Variants in SLC24A3 observed in about 807,000 individuals in gnomAD.
SLC24A3 encodes the protein solute carrier family 24 member 3, also known as sodium/potassium/calcium exchanger 3.
Under a neutral mutation model 75.8 loss-of-function variants are expected in SLC24A3, and 28 were observed. The observed-to-expected ratio is 0.37, with a 90% CI of 0.27 to 0.51. The LOEUF is 0.51. SLC24A3 is among the 20% of genes least tolerant of loss of function. SLC24A3 has a pLI of 0.94. For missense variants in SLC24A3, 663 were observed against 847.8 expected (o/e 0.78, Z 2.71); for synonymous variants, 372 against 334.1 (o/e 1.11, Z -1.24).
intron 2 of SLC24A3, among the ~76,000 whole-genome samples, chr20:19,371,465 C>T (rs1056423768): frequency 1.3e-5 from 2 of 152,134 alleles, no homozygotes; most frequent in African/African-American, 4.8e-5. Flanking sequence ...GGACAAGACC[C>T]CAAGCCTGGC....
At chr20:19,421,773 C>T (rs964426431) in intron 2 of SLC24A3, among the ~76,000 whole-genome samples, 7 of 152,318 alleles carry the variant, frequency 4.6e-5, no homozygotes, top group African/African-American at 1.4e-4. Flanking sequence ...CCATGGGCTT[C>T]GCGCCTCACA....
At chr20:19,220,847 T>C (rs1981689383) in intron 1 of SLC24A3, among the ~76,000 whole-genome samples, 1 of 152,200 alleles carries the variant, frequency 6.6e-6, no homozygotes, top group African/African-American at 2.4e-5. Flanking sequence ...AGTAATACAG[T>C]TGGTGCCAGT....
intron 9 of SLC24A3, among the ~76,000 whole-genome samples, chr20:19,681,109 A>G (rs935796056): frequency 6.6e-6 from 1 of 152,188 alleles, no homozygotes; most frequent in African/African-American, 2.4e-5. Context: ...TACTAAAGCT[A>G]GGGAGACTGT....
chr20:19,373,626 T>G lies in SLC24A3; in HGVS notation c.271+92539T>G, dbSNP rs185733522. Among the ~76,000 whole-genome samples the G allele has an allele frequency of 7.1e-3, 1,075 of 152,274 alleles. 15 individuals carry two copies. Among genetic ancestry groups the G allele is most frequent in the African/African-American group, 0.025 (1,029 of 41,534 alleles). Reference sequence around the variant, plus strand: ...TAGATTTATATATTCTGACTTAGATTTTGCACATATTTTGAGGACAGTCTA... The same window carrying G: ...TAGATTTATATATTCTGACTTAGATGTTGCACATATTTTGAGGACAGTCTA... On this transcript the variant is annotated intron_variant, in intron 2 of 16. Coordinates refer to ENST00000328041, the MANE Select transcript of SLC24A3 (RefSeq NM_020689.4).
intron 7 of SLC24A3, among the ~76,000 whole-genome samples, chr20:19,658,423 C>T (rs1304653834): frequency 6.6e-6 from 1 of 152,218 alleles, no homozygotes; most frequent in Non-Finnish European, 1.5e-5. Context: ...GAACAGTTCA[C>T]TCGGACGGAG....
At chr20:19,386,419 C>T (rs1325224384) in intron 2 of SLC24A3, among the ~76,000 whole-genome samples, 1 of 152,116 alleles carries the variant, frequency 6.6e-6, no homozygotes. Context: ...TATTTCTTAT[C>T]TGGTTGCTCT....
intron 2 of SLC24A3, among the ~76,000 whole-genome samples, chr20:19,314,277 A>ATTTATTTTATTTTATTTTAT (rs11474596): frequency 0.016 from 1,982 of 126,464 alleles, 50 homozygotes; most frequent in Middle Eastern, 0.05. Flanking sequence ...GTTTTTATTT[A>ATTTATTTTATTTTATTTTAT]TTTATTTTAT....
chr20:19,572,875 C>G (rs1014869739), intron 3 of SLC24A3, among the ~76,000 whole-genome samples: 1 of 151,920 alleles, frequency 6.6e-6, no homozygotes, highest in African/African-American at 2.4e-5. Context: ...AGCCTGTGAT[C>G]AGGGAAAATA....
intron 1 of SLC24A3, 44 bp downstream of exon 1, chr20:19,213,028 C>A (rs776246702): frequency 1.7e-6 from 2 of 1,202,136 alleles, no homozygotes; most frequent in African/African-American, 1.6e-5. Flanking sequence ...GCGGCTCCGG[C>A]GGCTCGGGGC....
intron 2 of SLC24A3, among the ~76,000 whole-genome samples, chr20:19,510,840 C>G (rs1169410431): frequency 6.6e-6 from 1 of 152,314 alleles, no homozygotes; most frequent in East Asian, 1.9e-4. Context: ...CTACGGTATT[C>G]TGTTGTATCA....
chr20:19,556,576 GAAAA>G (rs10591708), intron 3 of SLC24A3, among the ~76,000 whole-genome samples: 7 of 131,014 alleles, frequency 5.3e-5, no homozygotes, highest in Admixed American at 7.7e-5. Context: ...GCCAGTGTGT[GAAAA>G]AAAAAAAAAA....
intron 2 of SLC24A3, among the ~76,000 whole-genome samples, chr20:19,325,337 T>C (rs1411038199): frequency 6.6e-6 from 1 of 151,862 alleles, no homozygotes; most frequent in Admixed American, 6.6e-5. Flanking sequence ...TCCCAGCTAC[T>C]GGTGGGGCTG....
intron 2 of SLC24A3, among the ~76,000 whole-genome samples, chr20:19,487,148 C>T (rs1988138409): frequency 6.6e-6 from 1 of 152,198 alleles, no homozygotes; most frequent in African/African-American, 2.4e-5. Context: ...CCTTATGACT[C>T]TTCTTTAGCG....
At chr20:19,265,423 C>T (rs150317386) in intron 1 of SLC24A3, among the ~76,000 whole-genome samples, 1,642 of 152,332 alleles carry the variant, frequency 0.011, 14 homozygotes, top group Non-Finnish European at 0.015. Flanking sequence ...CTCTGCACAG[C>T]AGTGCACTAC....
intron 6 of SLC24A3, among the ~76,000 whole-genome samples, chr20:19,633,646 C>T (rs1260260873): frequency 3.2e-4 from 21 of 64,976 alleles, no homozygotes; most frequent in Admixed American, 6.6e-4. Flanking sequence ...GAGACTCCGT[C>T]TCAAAAAAAA....
chr20:19,704,197 GGATGGATA>G (rs1020996653), intron 15 of SLC24A3, among the ~76,000 whole-genome samples: 1 of 150,854 alleles, frequency 6.6e-6, no homozygotes, highest in Non-Finnish European at 1.5e-5. Flanking sequence ...AGAGATGGAT[GGATGGATA>G]GATGGATGGA....
At chr20:19,307,358 T>C (rs1984356354) in intron 2 of SLC24A3, among the ~76,000 whole-genome samples, 1 of 152,232 alleles carries the variant, frequency 6.6e-6, no homozygotes, top group Non-Finnish European at 1.5e-5. Flanking sequence ...TTAAGGCTCC[T>C]ACTAGCACCA....
At position 19,430,580 on chromosome 20, in the gene SLC24A3, G is replaced by A. The variant is rs111230819; in HGVS notation, c.272-84908G>A. ...TGTAGTCTTCAGGGAGAGTGCTAAT[G>A]GGGAAAATAGTGCATAGAAATGCAG... On this transcript the variant is annotated intron_variant, in intron 2 of 16. Coordinates refer to ENST00000328041, the MANE Select transcript of SLC24A3 (RefSeq NM_020689.4). Among the ~76,000 whole-genome samples the A allele has an allele frequency of 3.3e-3, 502 of 152,286 alleles. 3 individuals carry two copies. Among genetic ancestry groups the A allele is most frequent in the African/African-American group, 0.011 (473 of 41,546 alleles).
At chr20:19,611,579 T>G (rs1019787387) in intron 6 of SLC24A3, among the ~76,000 whole-genome samples, 3 of 152,214 alleles carry the variant, frequency 2.0e-5, no homozygotes, top group African/African-American at 7.2e-5. Flanking sequence ...CTTTTTTGAC[T>G]TTCAGGAATT....
Sources: gnomAD v4.1 joint callset for allele counts (sites outside exome capture counted in the v4.1 genomes callset) on GRCh38, gnomAD v4.1.1 for gene constraint, MANE v1.5 for transcripts, NCBI Gene and HGNC (gene_info 2026-07-23, HGNC 2026-07-21) for gene names.